Variants in TMEM232 observed in about 807,000 individuals in gnomAD.
TMEM232 encodes transmembrane protein 232.
TMEM232 carries 80 observed loss-of-function variants against 78.8 expected under a neutral mutation model. The ratio of observed to expected loss-of-function variants is 1.01; its 90% confidence interval spans 0.85 to 1.22. TMEM232 has a LOEUF of 1.22. TMEM232 is among the 50% of genes most tolerant of loss of function. TMEM232 has a pLI of 0.00. For synonymous variants in TMEM232, 297 were observed against 254.3 expected (o/e 1.17, Z -1.60); for missense variants, 881 against 742.2 (o/e 1.19, Z -2.17).
intron 8 of TMEM232, among the ~76,000 whole-genome samples, chr5:110,617,293 G>A (rs1195243161): frequency 6.6e-6 from 1 of 152,156 alleles, no homozygotes; most frequent in African/African-American, 2.4e-5. Flanking sequence ...GGCAAAAGAG[G>A]AGATGCCAGT....
chr5:110,618,864 G>A (rs1430545268), intron 7 of TMEM232, among the ~76,000 whole-genome samples: 6 of 152,276 alleles, frequency 3.9e-5, no homozygotes, highest in African/African-American at 1.2e-4. Context: ...ATTGTGGTTC[G>A]TAGATTCTAT....
At chr5:110,683,677 T>C (rs1031063769) in intron 1 of TMEM232, among the ~76,000 whole-genome samples, 6 of 151,904 alleles carry the variant, frequency 3.9e-5, no homozygotes, top group African/African-American at 1.2e-4. Context: ...AACAATCTTA[T>C]TATATTCTAT....
At chr5:110,481,796 T>A (rs1763895386) in intron 12 of TMEM232, among the ~76,000 whole-genome samples, 1 of 152,106 alleles carries the variant, frequency 6.6e-6, no homozygotes, top group South Asian at 2.1e-4. Context: ...TATCATTCTA[T>A]CCACCAAATA....
At position 110,696,333 on chromosome 5, in the gene TMEM232, C is replaced by A. The variant is rs578223013; in HGVS notation, c.-12-28969G>T. On this transcript the variant is annotated intron_variant, in intron 1 of 13. Coordinates refer to ENST00000455884, the MANE Select transcript of TMEM232 (RefSeq NM_001039763.4). ...TAATAAGAGCTATCTATGACAAACC[C>A]ACAGCCAATATCATACTGAATGGAC... Among the ~76,000 whole-genome samples the A allele has an allele frequency of 2.2e-4, 34 of 152,234 alleles. No individual in the cohort carries two copies. The South Asian group carries it at 6.8e-3, about 31-fold the overall frequency.
At chr5:110,436,637 G>A (rs1758468130) in intron 12 of TMEM232, among the ~76,000 whole-genome samples, 1 of 152,026 alleles carries the variant, frequency 6.6e-6, no homozygotes, top group African/African-American at 2.4e-5. Flanking sequence ...TTTTGCATAA[G>A]GCAAGAGATA....
Position 110,735,660 on chromosome 5 carries a change from A to G in TMEM232, c.-125-645T>C, listed in dbSNP as rs148957845. Among the ~76,000 whole-genome samples, 120 of 152,330 alleles carry G rather than the reference A, an allele frequency of 7.9e-4. 1 individual carries two copies. The highest frequency in any genetic ancestry group is 2.8e-3 in the African/African-American group (118 of 41,576). ...TGGACTTAGTGACTCTCTTCCAAAAAAATAGAACATGGCAGAAGTGATGAG... is the reference window on the plus strand; with the variant it reads ...TGGACTTAGTGACTCTCTTCCAAAAGAATAGAACATGGCAGAAGTGATGAG... On this transcript the variant is annotated intron_variant, in intron 1 of 4. Coordinates refer to the TMEM232 transcript ENST00000512886.
At chr5:110,535,214 A>T (rs1312290546) in intron 11 of TMEM232, among the ~76,000 whole-genome samples, 2 of 151,968 alleles carry the variant, frequency 1.3e-5, no homozygotes, top group African/African-American at 4.8e-5. Flanking sequence ...ATGACATTCC[A>T]CCACAAAAGA....
chr5:110,480,312 T>C (rs1763721560), intron 12 of TMEM232, among the ~76,000 whole-genome samples: 1 of 151,974 alleles, frequency 6.6e-6, no homozygotes, highest in East Asian at 1.9e-4. Context: ...AGTTAAATGG[T>C]ATATTTTCAT....
chr5:110,445,624 T>C (rs1166645827), intron 12 of TMEM232, among the ~76,000 whole-genome samples: 1 of 152,132 alleles, frequency 6.6e-6, no homozygotes, highest in Non-Finnish European at 1.5e-5. Context: ...TTTCAGGTTT[T>C]TGGGCCATGG....
chr5:110,489,911 G>A (rs1764849622), intron 12 of TMEM232, among the ~76,000 whole-genome samples: 1 of 151,870 alleles, frequency 6.6e-6, no homozygotes, highest in African/African-American at 2.4e-5. Context: ...GGATCACAAG[G>A]TCAAGAGATT....
intron 2 of TMEM232, among the ~76,000 whole-genome samples, chr5:110,647,872 A>G (rs1180073271): frequency 2.0e-5 from 3 of 151,992 alleles, no homozygotes; most frequent in African/African-American, 7.2e-5. Context: ...CCCCCACACT[A>G]TATCTATAGT....
At position 110,550,681 on chromosome 5, in the gene TMEM232, T is replaced by C. The variant is rs182218600; in HGVS notation, c.1455+17766A>G. ...ATATACAAAACATTATTGATAGAAATTGGGAAATACCTTAAAAAGTGGCAG... is the reference window on the plus strand; with the variant it reads ...ATATACAAAACATTATTGATAGAAACTGGGAAATACCTTAAAAAGTGGCAG... On this transcript the variant is annotated intron_variant, in intron 11 of 13. Coordinates refer to ENST00000455884, the MANE Select transcript of TMEM232 (RefSeq NM_001039763.4). 1.1e-4 allele frequency among the ~76,000 whole-genome samples: 17 copies of C among 151,898 alleles called. 1 individual carries two copies. The highest frequency in any genetic ancestry group is 9.2e-4 in the Admixed American group (14 of 15,254).
chr5:110,556,712 A>G (rs534137031), intron 11 of TMEM232, among the ~76,000 whole-genome samples: 1 of 152,170 alleles, frequency 6.6e-6, no homozygotes, highest in African/African-American at 2.4e-5. Flanking sequence ...TAGGTCCCCA[A>G]TTTCTTCTGG....
chr5:110,474,803 C>G (rs1470265996), intron 12 of TMEM232, among the ~76,000 whole-genome samples: 1 of 151,582 alleles, frequency 6.6e-6, no homozygotes, highest in Non-Finnish European at 1.5e-5. Flanking sequence ...TGAAAAACAT[C>G]AAGAAAAAAC....
chr5:110,687,712 C>G (rs968563905), intron 1 of TMEM232, among the ~76,000 whole-genome samples: 1 of 151,974 alleles, frequency 6.6e-6, no homozygotes, highest in Non-Finnish European at 1.5e-5. Context: ...CTGTCTCTCC[C>G]TCTCTCTCTA....
chr5:110,423,298 C>G (rs2112625491), intron 13 of TMEM232, among the ~76,000 whole-genome samples: 1 of 152,182 alleles, frequency 6.6e-6, no homozygotes, highest in African/African-American at 2.4e-5. Flanking sequence ...GAGCAAGTAA[C>G]TGAATTGTAA....
intron 1 of TMEM232, among the ~76,000 whole-genome samples, chr5:110,710,992 A>G (rs1796416946): frequency 6.6e-6 from 1 of 152,238 alleles, no homozygotes; most frequent in South Asian, 2.1e-4. Flanking sequence ...TTTGCAAATG[A>G]TATGACCTTG....
Position 110,470,344 on chromosome 5 carries a change from T to C in TMEM232, c.1704-45428A>G, listed in dbSNP as rs569583287. ...ATGGTTCTGTGAGGAATCCACATTC[T>C]ACCCGACCACAGAGAATGAACTTGT... is the stretch of plus-strand genomic sequence containing the variant. On this transcript the variant is annotated intron_variant, in intron 12 of 13. Coordinates refer to ENST00000455884, the MANE Select transcript of TMEM232 (RefSeq NM_001039763.4). Among the ~76,000 whole-genome samples the C allele has an allele frequency of 8.6e-5, 13 of 151,720 alleles. No homozygotes were observed. The East Asian group carries it at 2.5e-3, about 29-fold the overall frequency.
chr5:110,435,431 G>C (rs554465483), intron 12 of TMEM232, among the ~76,000 whole-genome samples: 1 of 151,630 alleles, frequency 6.6e-6, no homozygotes, highest in Non-Finnish European at 1.5e-5. Context: ...ATTACGTCAT[G>C]GAAAATGGAT....
Sources: gnomAD v4.1 joint callset for allele counts (sites outside exome capture counted in the v4.1 genomes callset) on GRCh38, gnomAD v4.1.1 for gene constraint, MANE v1.5 for transcripts, NCBI Gene and HGNC (gene_info 2026-07-23, HGNC 2026-07-21) for gene names.